XKR4: variants seen among roughly 807,000 people sequenced by gnomAD.
XKR4 encodes the protein XK related 4.
XKR4 carries 12 observed loss-of-function variants against 53.9 expected under a neutral mutation model. That is an observed-to-expected ratio of 0.22 (90% CI 0.14 to 0.36). The LOEUF (loss-of-function observed/expected upper bound fraction) is 0.36, where lower values mean the gene tolerates loss of function less well. Among genes scored for constraint, XKR4 ranks in the 10% least tolerant of loss-of-function variants. XKR4 has a pLI of 1.00. For missense variants in XKR4, 799 were observed against 859.5 expected (o/e 0.93, Z 0.88); for synonymous variants, 354 against 362.4 (o/e 0.98, Z 0.26).
chr8:55,214,444 TAGTG>T (rs1279607423), intron 1 of XKR4, among the ~76,000 whole-genome samples: 4 of 152,192 alleles, frequency 2.6e-5, no homozygotes, highest in Non-Finnish European at 4.4e-5. Flanking sequence ...TACCCTACTA[TAGTG>T]AGTATTGTAC....
chr8:55,122,015 A>G (rs1204668856), intron 1 of XKR4, among the ~76,000 whole-genome samples: 1 of 152,184 alleles, frequency 6.6e-6, no homozygotes, highest in Non-Finnish European at 1.5e-5. Context: ...TTCTTTTTAA[A>G]AAATATTTTA....
intron 2 of XKR4, among the ~76,000 whole-genome samples, chr8:55,481,085 T>C (rs1463796445): frequency 6.6e-6 from 1 of 152,068 alleles, no homozygotes; most frequent in Admixed American, 6.6e-5. Context: ...GAGCCCACAT[T>C]GCCAAGTCAA....
intron 2 of XKR4, among the ~76,000 whole-genome samples, chr8:55,478,876 A>G (rs1806049904): frequency 6.6e-6 from 1 of 152,124 alleles, no homozygotes; most frequent in South Asian, 2.1e-4. Context: ...TGCACCCAAT[A>G]CAGGAGCACC....
At chr8:55,262,672 G>A (rs910068867) in intron 1 of XKR4, among the ~76,000 whole-genome samples, 21 of 152,188 alleles carry the variant, frequency 1.4e-4, no homozygotes, top group South Asian at 4.1e-4. Context: ...TGAACTTCCC[G>A]GCTTCCAGAG....
chr8:55,436,832 G>C (rs184703899), intron 2 of XKR4, among the ~76,000 whole-genome samples: 1 of 152,274 alleles, frequency 6.6e-6, no homozygotes, highest in African/African-American at 2.4e-5. Context: ...AGCTTCAAGA[G>C]TTGATTGATC....
intron 2 of XKR4, among the ~76,000 whole-genome samples, chr8:55,423,384 C>A (rs903971684): frequency 1.3e-5 from 2 of 152,022 alleles, no homozygotes; most frequent in Non-Finnish European, 2.9e-5. Flanking sequence ...CGTGAGCCAC[C>A]GCACCCGCCA....
rs145363139 is a variant in XKR4, at chr8:55,523,931, C to T, written c.1657C>T (p.Arg553Cys). 3.7e-6 allele frequency: 6 copies of T among 1,614,194 alleles called. No homozygotes were observed. The highest frequency in any genetic ancestry group is 5.1e-6 in the Non-Finnish European group (6 of 1,180,042). Residue 553 changes from arginine (R) to cysteine (C), a missense_variant, in exon 3 of 3, where the codon CGC becomes TGC. This residue lies in a region of XKR4 where 269 missense variants were observed against 264.4 expected (regional missense o/e 1.02). Transcript: ENST00000327381. ...TSTLRSISNN[R>C]SVVSDRDQKF... Reference sequence around the variant, plus strand: ...CACCCTACGGTCCATCTCCAACAACCGCAGTGTTGTCAGCGACCGCGATCA... The same window carrying T: ...CACCCTACGGTCCATCTCCAACAACTGCAGTGTTGTCAGCGACCGCGATCA...
intron 1 of XKR4, among the ~76,000 whole-genome samples, chr8:55,112,871 A>G (rs1816252713): frequency 6.6e-6 from 1 of 152,118 alleles, no homozygotes; most frequent in Non-Finnish European, 1.5e-5. Flanking sequence ...GACTGTCCCA[A>G]ACAGTTTATA....
chr8:55,477,368 A>T (rs549029839), intron 2 of XKR4, among the ~76,000 whole-genome samples: 7 of 152,138 alleles, frequency 4.6e-5, no homozygotes, highest in Non-Finnish European at 1.0e-4. Context: ...AGGAAAACTA[A>T]CAAACAGAAA....
chr8:55,109,280 C>T (rs1002092103), intron 1 of XKR4, among the ~76,000 whole-genome samples: 3 of 152,174 alleles, frequency 2.0e-5, no homozygotes, highest in Non-Finnish European at 4.4e-5. Flanking sequence ...AGATCATCTT[C>T]CAGCTCTGAG....
intron 2 of XKR4, among the ~76,000 whole-genome samples, chr8:55,434,404 A>T (rs1185107905): frequency 1.5e-5 from 2 of 135,102 alleles, no homozygotes; most frequent in Non-Finnish European, 3.1e-5. Flanking sequence ...CTTACTTGAT[A>T]CCAATCGTGT....
chr8:55,415,024 T>G (rs944024748), intron 2 of XKR4, among the ~76,000 whole-genome samples: 1 of 152,242 alleles, frequency 6.6e-6, no homozygotes, highest in Non-Finnish European at 1.5e-5. Flanking sequence ...GCAGGATAGC[T>G]GTACATATCT....
At chr8:55,423,791 T>C (rs943331395) in intron 2 of XKR4, among the ~76,000 whole-genome samples, 38 of 152,226 alleles carry the variant, frequency 2.5e-4, no homozygotes, top group African/African-American at 8.7e-4. Context: ...AAGTAGTAAG[T>C]GCTTTCTATT....
chr8:55,425,238 C>G (rs1423582397), intron 2 of XKR4, among the ~76,000 whole-genome samples: 1 of 152,152 alleles, frequency 6.6e-6, no homozygotes, highest in African/African-American at 2.4e-5. Context: ...AACTAAGATT[C>G]CAGCCTAGAG....
In XKR4 at chr8:55,523,477, T is replaced by G. The variant is rs779053061; in HGVS notation, c.1203T>G (p.Phe401Leu). Residue 401 changes from phenylalanine to leucine, a missense_variant, in exon 3 of 3, where the codon TTT becomes TTG. Phe to Leu is a conservative substitution (Grantham distance 22). Transcript: ENST00000327381. ...ALFASVFQLYFGIFIVLHWCI... is the reference protein window; with the variant it reads ...ALFASVFQLYLGIFIVLHWCI... ...TTGCCTCGGTTTTCCAGCTGTACTTTGGGATCTTCATCGTCCTTCACTGGT... is the reference window on the plus strand; with the variant it reads ...TTGCCTCGGTTTTCCAGCTGTACTTGGGGATCTTCATCGTCCTTCACTGGT... 1 of 1,614,236 alleles carries G rather than the reference T, an allele frequency of 6.2e-7. No individual in the cohort carries two copies. Among genetic ancestry groups the G allele is most frequent in the Admixed American group, 1.7e-5 (1 of 60,028 alleles).
At chr8:55,179,544 G>A (rs980371872) in intron 1 of XKR4, among the ~76,000 whole-genome samples, 4 of 152,332 alleles carry the variant, frequency 2.6e-5, no homozygotes, top group South Asian at 4.1e-4. Context: ...AATAGCCGAA[G>A]TGTATTAATC....
intron 2 of XKR4, chr8:55,449,831 G>C: frequency 8.7e-7 from 1 of 1,152,330 alleles, no homozygotes; most frequent in South Asian, 1.2e-5. Context: ...GCCCTCGTAG[G>C]ACCTGTTCTC....
At chr8:55,286,680 C>A (rs1307178998) in intron 1 of XKR4, among the ~76,000 whole-genome samples, 1 of 152,198 alleles carries the variant, frequency 6.6e-6, no homozygotes. Flanking sequence ...ATGCCTTCAG[C>A]CAAAAGCTGC....
At chr8:55,232,913 T>C (rs1026343560) in intron 1 of XKR4, among the ~76,000 whole-genome samples, 1 of 152,208 alleles carries the variant, frequency 6.6e-6, no homozygotes, top group Non-Finnish European at 1.5e-5. Context: ...TGGCTCTGTG[T>C]GACCCTTGCT....
Sources: gnomAD v4.1 joint callset for allele counts (sites outside exome capture counted in the v4.1 genomes callset) on GRCh38, gnomAD v4.1.1 for gene constraint, gnomAD v4.1.1 regional missense constraint, MANE v1.5 for transcripts, NCBI Gene and HGNC (gene_info 2026-07-23, HGNC 2026-07-21) for gene names.